Variants in CASQ2 observed in about 807,000 individuals in gnomAD.
CASQ2 encodes the protein calsequestrin 2.
In CASQ2, 49 loss-of-function variants were observed where a neutral mutation model predicts 46.5. That is an observed-to-expected ratio of 1.05 (90% CI 0.84 to 1.34). The LOEUF (loss-of-function observed/expected upper bound fraction) is 1.34, where lower values mean the gene tolerates loss of function less well. Among genes scored for constraint, CASQ2 ranks in the 40% most tolerant of loss-of-function variants. The pLI, the probability that CASQ2 is intolerant of heterozygous loss-of-function variation, is 0.00. For synonymous variants in CASQ2, 174 were observed against 168.5 expected (o/e 1.03, Z -0.25); for missense variants, 486 against 481.3 (o/e 1.01, Z -0.09).
intron 7 of CASQ2, among the ~76,000 whole-genome samples, chr1:115,719,517 T>C (rs1007434960): frequency 2.0e-5 from 3 of 152,238 alleles, no homozygotes; most frequent in African/African-American, 7.2e-5. Context: ...CTGCTCATAA[T>C]ACGGCTGTCA....
chr1:115,704,585 C>T (rs1185660776), intron 9 of CASQ2, among the ~76,000 whole-genome samples: 1 of 152,192 alleles, frequency 6.6e-6, no homozygotes, highest in Non-Finnish European at 1.5e-5. Context: ...GGGTTCAATA[C>T]ATGTAGTGTA....
intron 1 of CASQ2, among the ~76,000 whole-genome samples, chr1:115,758,971 C>G (rs1370257848): frequency 6.6e-6 from 1 of 151,998 alleles, no homozygotes; most frequent in Non-Finnish European, 1.5e-5. Context: ...AATATGTCAG[C>G]CAAGTACTAT....
At chr1:115,743,147 C>T (rs1435963294) in intron 2 of CASQ2, among the ~76,000 whole-genome samples, 1 of 151,944 alleles carries the variant, frequency 6.6e-6, no homozygotes, top group Non-Finnish European at 1.5e-5. Flanking sequence ...AGAAAAATAT[C>T]CCTCAATGTG....
At chr1:115,715,766 A>T (rs1654682487) in intron 8 of CASQ2, among the ~76,000 whole-genome samples, 1 of 152,184 alleles carries the variant, frequency 6.6e-6, no homozygotes, top group Non-Finnish European at 1.5e-5. Flanking sequence ...GGAGGCTATT[A>T]GTGTATTGCC....
intron 7 of CASQ2, 64 bp downstream of exon 7, chr1:115,725,444 G>T: frequency 6.4e-7 from 1 of 1,572,730 alleles, no homozygotes; most frequent in Non-Finnish European, 8.7e-7. Flanking sequence ...CTTAATCTAA[G>T]AAGCACTCCT....
intron 2 of CASQ2, 38 bp from the exon 3 acceptor site, chr1:115,740,866 T>C: frequency 7.2e-7 from 1 of 1,384,462 alleles, no homozygotes; most frequent in Non-Finnish European, 1.0e-6. Context: ...AAGGTCATCC[T>C]GACGTAGGAA....
chr1:115,766,319 C>T (rs72993541), intron 1 of CASQ2, among the ~76,000 whole-genome samples: 3,911 of 152,248 alleles, frequency 0.026, 167 homozygotes, highest in African/African-American at 0.088. Flanking sequence ...AGCTGTGTGA[C>T]CTTGGACAAC....
At chr1:115,762,357 AAATG>A (rs1183577592) in intron 1 of CASQ2, among the ~76,000 whole-genome samples, 3 of 152,236 alleles carry the variant, frequency 2.0e-5, no homozygotes, top group Admixed American at 2.0e-4. Flanking sequence ...AAAATTTAAT[AAATG>A]AATGAATATT....
chr1:115,704,544 G>C (rs532492040), intron 9 of CASQ2, among the ~76,000 whole-genome samples: 1 of 152,202 alleles, frequency 6.6e-6, no homozygotes, highest in Non-Finnish European at 1.5e-5. Flanking sequence ...ATCAGTACCA[G>C]TACTTATTAT....
At chr1:115,744,183 C>T (rs2101100144) in intron 2 of CASQ2, among the ~76,000 whole-genome samples, 1 of 151,622 alleles carries the variant, frequency 6.6e-6, no homozygotes, top group African/African-American at 2.4e-5. Flanking sequence ...AAAAGAAAAC[C>T]AGAGGAACTA....
intron 1 of CASQ2, among the ~76,000 whole-genome samples, chr1:115,767,822 A>C (rs1160072198): frequency 6.6e-6 from 1 of 152,152 alleles, no homozygotes; most frequent in African/African-American, 2.4e-5. Flanking sequence ...AAAACAAGAG[A>C]GAGGAAAGTC....
Position 115,738,234 on chromosome 1 carries a change from CT to C in CASQ2, c.521del (p.Glu174GlyfsTer36). The C allele has an allele frequency of 6.2e-7, 1 of 1,601,772 alleles. No homozygotes were observed. Among genetic ancestry groups the C allele is most frequent in the Non-Finnish European group, 8.6e-7 (1 of 1,168,694 alleles). On this transcript the variant is annotated frameshift_variant, in exon 4 of 11. Transcript: ENST00000261448. LOFTEE classifies it high-confidence loss of function. ...YIKLIGFFKSEDSEYYKAFEE... is the reference protein window; with the variant it reads ...YIKLIGFFKSXDSEYYKAFEE... ...TGGCAGACAACTTACATTCTGAGTC[CT>C]CACTCTTGAAAAAGCCAATGAGTTT...
chr1:115,708,222 T>C (rs1295844526), intron 8 of CASQ2, among the ~76,000 whole-genome samples: 1 of 151,996 alleles, frequency 6.6e-6, no homozygotes, highest in Non-Finnish European at 1.5e-5. Context: ...AAATAAAAGG[T>C]TTTTGTAAAG....
At chr1:115,747,720 T>C (rs942158863) in intron 1 of CASQ2, among the ~76,000 whole-genome samples, 5 of 152,244 alleles carry the variant, frequency 3.3e-5, no homozygotes, top group Non-Finnish European at 7.3e-5. Context: ...ATCAGTTAAA[T>C]TATTTCAGCT....
At chr1:115,706,714 C>G (rs1472985320) in intron 8 of CASQ2, among the ~76,000 whole-genome samples, 2 of 152,194 alleles carry the variant, frequency 1.3e-5, no homozygotes, top group African/African-American at 4.8e-5. Context: ...ATTAACTGTG[C>G]TTTCTTTGCA....
chr1:115,739,114 T>G (rs1306408480), intron 3 of CASQ2, among the ~76,000 whole-genome samples: 3 of 89,498 alleles, frequency 3.4e-5, no homozygotes, highest in Non-Finnish European at 9.3e-5. Flanking sequence ...TAGCACATTT[T>G]CTTTTCTTTC....
intron 4 of CASQ2, 133 bp from the exon 5 acceptor site, chr1:115,733,107 A>C (rs879810168): frequency 4.9e-6 from 3 of 612,798 alleles, no homozygotes; most frequent in Admixed American, 2.8e-5. Context: ...TATTGTTTAC[A>C]TAGATGTTAT....
Position 115,744,753 on chromosome 1 carries a change from T to C in CASQ2, c.319+75A>G, listed in dbSNP as rs760172238. 262 of 931,114 alleles carry C rather than the reference T, an allele frequency of 2.8e-4. 1 individual carries two copies. The highest frequency in any genetic ancestry group is 4.4e-4 in the Non-Finnish European group (246 of 561,428). 57.7% of individuals were successfully genotyped at this position (931,114 alleles called of 1,614,324 possible). On this transcript the variant is annotated intron_variant, in intron 2 of 10. Transcript: ENST00000261448. Reference sequence around the variant, plus strand: ...AGATAGTCCGCTTATGCAAGAATAATTGCAACTGTACTTTTCCTTTTGCAA... The same window carrying C: ...AGATAGTCCGCTTATGCAAGAATAACTGCAACTGTACTTTTCCTTTTGCAA...
Position 115,744,923 on chromosome 1 carries a change from A to C in CASQ2, c.235-11T>G. On this transcript the variant is annotated splice_polypyrimidine_tract_variant and intron_variant, in intron 1 of 10. Transcript: ENST00000261448. ...GACCTGGGCCACAAGCTGAAGAAAC[A>C]AATGGAAAGATGAGTGTGCTAAGGG... 6.3e-7 allele frequency: 1 copy of C among 1,594,800 alleles called. No individual in the cohort carries two copies. The highest frequency in any genetic ancestry group is 8.6e-7 in the Non-Finnish European group (1 of 1,162,780).
Sources: allele counts gnomAD v4.1 joint callset (sites outside exome capture counted in the v4.1 genomes callset), GRCh38; gene constraint gnomAD v4.1.1; transcripts MANE v1.5; gene names NCBI Gene and HGNC (gene_info 2026-07-23, HGNC 2026-07-21).